The following NUBPL variants were observed in gnomAD, a reference collection of about 807,000 sequenced individuals.
NUBPL encodes the protein iron-sulfur cluster transfer protein NUBPL.
A neutral mutation model predicts 45.7 loss-of-function variants in NUBPL; 31 were observed. The observed-to-expected ratio is 0.68, with a 90% CI of 0.51 to 0.92. NUBPL has a LOEUF of 0.92. Among genes scored for constraint, NUBPL ranks in the 40% least tolerant of loss-of-function variants. The pLI is 0.00. For synonymous variants in NUBPL, 144 were observed against 140.9 expected (o/e 1.02, Z -0.15); for missense variants, 401 against 398.7 (o/e 1.01, Z -0.05).
chr14:31,585,379 A>G (rs2033969363), intron 3 of NUBPL, among the ~76,000 whole-genome samples: 1 of 152,106 alleles, frequency 6.6e-6, no homozygotes, highest in Non-Finnish European at 1.5e-5. Flanking sequence ...TTGGTACTTC[A>G]TTTCTTTTTA....
At chr14:31,824,284 A>G (rs2040063538) in intron 7 of NUBPL, among the ~76,000 whole-genome samples, 1 of 152,100 alleles carries the variant, frequency 6.6e-6, no homozygotes, top group Non-Finnish European at 1.5e-5. Flanking sequence ...TATAGAATCA[A>G]ATTTTGAATC....
chr14:31,631,219 T>G (rs2035333183), intron 4 of NUBPL, among the ~76,000 whole-genome samples: 1 of 152,118 alleles, frequency 6.6e-6, no homozygotes, highest in Non-Finnish European at 1.5e-5. Context: ...GTTTTCTAGT[T>G]TTTTACAGGT....
At chr14:31,803,918 C>T (rs942330932) in intron 7 of NUBPL, among the ~76,000 whole-genome samples, 4 of 152,016 alleles carry the variant, frequency 2.6e-5, no homozygotes, top group African/African-American at 9.7e-5. Flanking sequence ...CTTTTCTTTT[C>T]CTCCTTCCTT....
rs990612693 is a variant in NUBPL at position 31,751,395 on chromosome 14, T to A, written c.514-36385T>A. Among the ~76,000 whole-genome samples the A allele has an allele frequency of 2.0e-5, 3 of 152,362 alleles. No individual in the cohort carries two copies. In the East Asian group the frequency reaches 5.8e-4, roughly 29 times the overall value. On this transcript the variant is annotated intron_variant, in intron 6 of 10. Transcript: ENST00000281081. ...CAAGATACAATGGGAGTATAGGCAT[T>A]GGGTAAATGTTTCTGTTTGAAATGG...
chr14:31,744,007 A>T (rs2038342450), intron 6 of NUBPL, among the ~76,000 whole-genome samples: 1 of 152,152 alleles, frequency 6.6e-6, no homozygotes. Context: ...AATATATTAG[A>T]TGAATGCTGA....
intron 7 of NUBPL, among the ~76,000 whole-genome samples, chr14:31,791,132 G>C (rs891195941): frequency 3.3e-5 from 5 of 151,884 alleles, no homozygotes; most frequent in African/African-American, 9.7e-5. Flanking sequence ...AAAAAAGTTA[G>C]CTGGGAGTGG....
intron 4 of NUBPL, among the ~76,000 whole-genome samples, chr14:31,618,282 T>C (rs1020617800): frequency 9.8e-5 from 15 of 152,360 alleles, no homozygotes; most frequent in African/African-American, 3.4e-4. Context: ...CCTTCAGTTC[T>C]GCTCTGATCT....
At chr14:31,773,829 A>G (rs774213765) in intron 6 of NUBPL, among the ~76,000 whole-genome samples, 3 of 152,222 alleles carry the variant, frequency 2.0e-5, no homozygotes, top group Non-Finnish European at 2.9e-5. Context: ...CTTGAGATCC[A>G]CTAAGTATAA....
chr14:31,577,908 A>G (rs1037478495), intron 3 of NUBPL: 9 of 1,251,296 alleles, frequency 7.2e-6, no homozygotes, highest in South Asian at 5.1e-5. Flanking sequence ...TTCCTCCTCT[A>G]TTGGTTCATA....
intron 6 of NUBPL, among the ~76,000 whole-genome samples, chr14:31,684,311 A>G (rs973017648): frequency 3.9e-5 from 6 of 152,136 alleles, no homozygotes. Flanking sequence ...TTGTCTGGGT[A>G]TACTTTTTTT....
chr14:31,617,417 A>C (rs1176543450), intron 4 of NUBPL, among the ~76,000 whole-genome samples: 1 of 152,184 alleles, frequency 6.6e-6, no homozygotes, highest in Non-Finnish European at 1.5e-5. Flanking sequence ...TGGGTTTGTC[A>C]TAAATAGCTC....
rs1488843953 is a variant in NUBPL at position 31,826,713 on chromosome 14, C to T, written c.692C>T (p.Pro231Leu). 2.5e-6 allele frequency: 4 copies of T among 1,613,466 alleles called. No individual in the cohort carries two copies. In the African/African-American group the frequency reaches 5.3e-5, roughly 22 times the overall value. Residue 231 changes from proline to leucine, a missense_variant and splice_region_variant, in exon 8 of 11, where the codon CCC becomes CTC. By Grantham distance (98) the Pro-to-Leu change is moderately conservative. Transcript: ENST00000281081. ...GAEMFRRVHV[P>L]VLGLVQNMSV... ...GAGATGTTTCGCAGAGTCCACGTGC[C>T]CGTAAGCGTTTACAGCTTCACTGTG...
chr14:31,588,156 C>T (rs150640399), intron 3 of NUBPL, among the ~76,000 whole-genome samples: 155 of 152,318 alleles, frequency 1.0e-3, no homozygotes, highest in Middle Eastern at 3.4e-3. Flanking sequence ...CCATTTTCTG[C>T]ACTTGAACTG....
At chr14:31,599,417 C>T in intron 4 of NUBPL, 38 bp downstream of exon 4, 1 of 1,378,032 alleles carries the variant, frequency 7.3e-7, no homozygotes, top group Non-Finnish European at 1.0e-6. Context: ...ATAATAGTTG[C>T]ACTTTTATTA....
intron 10 of NUBPL, among the ~76,000 whole-genome samples, chr14:31,852,914 G>T (rs1382705895): frequency 6.6e-6 from 1 of 152,148 alleles, no homozygotes; most frequent in Non-Finnish European, 1.5e-5. Flanking sequence ...AGATTCTGTT[G>T]TATTCATAGA....
chr14:31,599,069 C>T (rs1036149696), intron 3 of NUBPL, among the ~76,000 whole-genome samples: 5 of 152,076 alleles, frequency 3.3e-5, no homozygotes, highest in Non-Finnish European at 1.5e-5. Context: ...GTTGTCTAGA[C>T]GATATTAGTA....
intron 6 of NUBPL, among the ~76,000 whole-genome samples, chr14:31,763,254 G>C (rs1238278621): frequency 6.6e-6 from 1 of 152,136 alleles, no homozygotes; most frequent in African/African-American, 2.4e-5. Flanking sequence ...TGTTTATCAA[G>C]AAAATAACAT....
At chr14:31,712,701 A>G (rs559050189) in intron 6 of NUBPL, among the ~76,000 whole-genome samples, 1 of 152,344 alleles carries the variant, frequency 6.6e-6, no homozygotes, top group East Asian at 1.9e-4. Context: ...CAGTGTTACC[A>G]AAACATCAGG....
At chr14:31,800,435 G>T (rs2039565321) in intron 7 of NUBPL, among the ~76,000 whole-genome samples, 1 of 152,174 alleles carries the variant, frequency 6.6e-6, no homozygotes, top group Non-Finnish European at 1.5e-5. Flanking sequence ...ACTGATCACA[G>T]ATCACCATAA....
Sources: gnomAD v4.1 joint callset for allele counts (sites outside exome capture counted in the v4.1 genomes callset) on GRCh38, gnomAD v4.1.1 for gene constraint, MANE v1.5 for transcripts, NCBI Gene and HGNC (gene_info 2026-07-23, HGNC 2026-07-21) for gene names.